The following ZNF251 variants were observed in gnomAD, a reference collection of about 807,000 sequenced individuals.
ZNF251 encodes the protein zinc finger protein 251.
Under a neutral mutation model 13.5 loss-of-function variants are expected in ZNF251, and 14 were observed. The ratio of observed to expected loss-of-function variants is 1.04; its 90% CI spans 0.69 to 1.63. The LOEUF (loss-of-function observed/expected upper bound fraction) is 1.63. Among genes scored for constraint, ZNF251 ranks in the 40% most tolerant of loss-of-function variants. The probability of loss-of-function intolerance (pLI) is 0.00; values close to 1 mark genes in which losing one functional copy is unlikely to be tolerated. For synonymous variants in ZNF251, 287 were observed against 295.2 expected (o/e 0.97, Z 0.28); for missense variants, 764 against 834.9 (o/e 0.92, Z 1.05).
rs898517632 is a variant in ZNF251 at position 144,754,073 on chromosome 8, G to C, written c.163+119C>G. The C allele has an allele frequency of 5.0e-6, 7 of 1,390,304 alleles. No individual in the cohort carries two copies. The African/African-American group carries it at 1.0e-4, about 20-fold the overall frequency. 86.1% of individuals were successfully genotyped at this position (1,390,304 alleles called of 1,614,324 possible). ...GGAAATGTTCCTTCTGTAGAGATCA[G>C]ACTGATACCCGGGGACAAGGGGCAG... is the stretch of plus-strand genomic sequence containing the variant. On this transcript the variant is annotated intron_variant, in intron 3 of 4. Transcript: ENST00000292562.
At chr8:144,743,833 T>G (rs1456854271) in intron 4 of ZNF251, among the ~76,000 whole-genome samples, 1 of 152,236 alleles carries the variant, frequency 6.6e-6, no homozygotes, top group African/African-American at 2.4e-5. Context: ...AATGCCCACC[T>G]GTCATCTGGG....
chr8:144,752,134 C>CA lies in ZNF251; in HGVS notation c.277+1548_277+1549insT, dbSNP rs1563772285. Reference sequence around the variant, plus strand: ...CTCAGCAACTGAAAGAATAACTAGACCAAAAAAAAAAAAAAAAAAAAAATC... The same window carrying CA: ...CTCAGCAACTGAAAGAATAACTAGACACAAAAAAAAAAAAAAAAAAAAAATC... On this transcript the variant is annotated intron_variant, in intron 4 of 4. Transcript: ENST00000292562. Among the ~76,000 whole-genome samples the CA allele has an allele frequency of 3.6e-3, 452 of 127,276 alleles. 6 individuals carry two copies. The highest frequency in any genetic ancestry group is 0.014 in the African/African-American group (436 of 30,278). The allele number at this position is 127,276 out of a possible 152,430, so 83.5% of individuals were successfully genotyped here.
At chr8:144,732,617 C>T (rs977481167) in intron 4 of ZNF251, among the ~76,000 whole-genome samples, 3 of 150,936 alleles carry the variant, frequency 2.0e-5, no homozygotes, top group Non-Finnish European at 4.4e-5. Flanking sequence ...TGGAGACCAT[C>T]CTGGCCAACA....
chr8:144,721,894 G>A lies in ZNF251; in HGVS notation c.1766C>T (p.Ala589Val), dbSNP rs1361299253. ...SRPTEDQIMH[A>V]GEKPYKCQEC... Reference sequence around the variant, plus strand: ...TTGACATTTATAGGGCTTTTCCCCAGCATGCATTATCTGATCTTCAGTGGG... The same window carrying A: ...TTGACATTTATAGGGCTTTTCCCCAACATGCATTATCTGATCTTCAGTGGG... The change falls in exon 5 of 5, where the codon GCT (alanine) becomes GTT (valine). Residue 589 changes from alanine (A) to valine (V), a missense_variant. By Grantham distance (64) the Ala-to-Val change is moderately conservative (BLOSUM62 0). Coordinates refer to ENST00000292562, the MANE Select transcript of ZNF251 (RefSeq NM_138367.2). 2.0e-6 allele frequency: 3 copies of A among 1,503,756 alleles called. No individual in the cohort carries two copies. Among genetic ancestry groups the A allele is most frequent in the Non-Finnish European group, 1.8e-6 (2 of 1,125,676 alleles). 93.2% of individuals were successfully genotyped at this position (1,503,756 alleles called of 1,614,324 possible).
chr8:144,728,038 C>T (rs1823569783), intron 4 of ZNF251, among the ~76,000 whole-genome samples: 1 of 152,210 alleles, frequency 6.6e-6, no homozygotes, highest in Admixed American at 6.5e-5. Flanking sequence ...TTTGGCCTGT[C>T]TCAGTTTTCA....
At chr8:144,748,473 A>G (rs1190431439) in intron 4 of ZNF251, among the ~76,000 whole-genome samples, 1 of 152,006 alleles carries the variant, frequency 6.6e-6, no homozygotes, top group East Asian at 1.9e-4. Context: ...TTGGATTACT[A>G]TCTTTCTCCA....
chr8:144,737,879 C>T (rs987475031), intron 4 of ZNF251, among the ~76,000 whole-genome samples: 36 of 151,628 alleles, frequency 2.4e-4, no homozygotes, highest in African/African-American at 8.5e-4. Context: ...TGCTATCACC[C>T]CACATAAAAT....
At chr8:144,744,700 G>C (rs1462252938) in intron 4 of ZNF251, among the ~76,000 whole-genome samples, 1 of 152,176 alleles carries the variant, frequency 6.6e-6, no homozygotes, top group Non-Finnish European at 1.5e-5. Flanking sequence ...CCTAGAAAGA[G>C]ACCCCTCACC....
Position 144,723,246 on chromosome 8 carries a change from G to A in ZNF251, c.414C>T (p.Gly138=), listed in dbSNP as rs1189091661. 6.2e-7 allele frequency: 1 copy of A among 1,613,354 alleles called. No individual in the cohort carries two copies. Among genetic ancestry groups the A allele is most frequent in the Non-Finnish European group, 8.5e-7 (1 of 1,179,632 alleles). The part of the protein sequence containing the change: ...AQAAEFREAW[G]REGKLKERVG... Reference sequence around the variant, plus strand: ...CGCGCTCTTTGAGTTTGCCCTCACGGCCCCATGCTTCCCGAAACTCAGCGG... The same window carrying A: ...CGCGCTCTTTGAGTTTGCCCTCACGACCCCATGCTTCCCGAAACTCAGCGG... The change falls in exon 5 of 5, where the codon GGC becomes GGT. Residue 138 remains glycine, a synonymous_variant. Transcript: ENST00000292562.
At chr8:144,747,965 A>G (rs1354180587) in intron 4 of ZNF251, among the ~76,000 whole-genome samples, 2 of 152,134 alleles carry the variant, frequency 1.3e-5, no homozygotes. Flanking sequence ...CCTGGAGCGC[A>G]GTGACGTGAT....
intron 4 of ZNF251, among the ~76,000 whole-genome samples, chr8:144,740,265 A>G (rs1824097331): frequency 6.6e-6 from 1 of 152,126 alleles, no homozygotes; most frequent in Non-Finnish European, 1.5e-5. Flanking sequence ...AGCCTGGGCA[A>G]CAAGAGTGAA....
rs550186709 is a variant in ZNF251 at position 144,740,635 on chromosome 8, C to CA, written c.277+13047dup. 3.3e-3 allele frequency among the ~76,000 whole-genome samples: 478 copies of CA among 143,482 alleles called. 3 individuals are homozygous for CA. Among genetic ancestry groups the CA allele is most frequent in the African/African-American group, 9.3e-3 (357 of 38,570 alleles). 94.1% of individuals were successfully genotyped at this position (143,482 alleles called of 152,430 possible). A position where few individuals can be genotyped will look rare whatever the true frequency, so the allele number is the denominator to read the frequency against. Reference sequence around the variant, plus strand: ...TGGGCAACAAAACAAGACTAAATCTCAAAAAAAAATAAAAATAGGCCACCA... The same window carrying CA: ...TGGGCAACAAAACAAGACTAAATCTCAAAAAAAAAATAAAAATAGGCCACCA... On this transcript the variant is annotated intron_variant, in intron 4 of 4. Transcript: ENST00000292562.
intron 4 of ZNF251, among the ~76,000 whole-genome samples, chr8:144,743,636 C>T (rs915958978): frequency 1.3e-5 from 2 of 152,138 alleles, no homozygotes; most frequent in African/African-American, 4.8e-5. Context: ...GTAAGACTGT[C>T]GAACTGTCTT....
rs1824916309 is a variant in ZNF251, at chr8:144,755,388, G to A, written c.-76+17C>T. 7.8e-7 allele frequency: 1 copy of A among 1,288,058 alleles called. No individual in the cohort carries two copies. The highest frequency in any genetic ancestry group is 1.5e-5 in the African/African-American group (1 of 65,746). The allele number at this position is 1,288,058 out of a possible 1,614,324, so 79.8% of individuals were successfully genotyped here. Reference sequence around the variant, plus strand: ...CCTGCCCGCTTGGCGCTCCTTCCTGGTCCGACACTGCCCCACCTGTTTGCT... The same window carrying A: ...CCTGCCCGCTTGGCGCTCCTTCCTGATCCGACACTGCCCCACCTGTTTGCT... On this transcript the variant is annotated intron_variant, in intron 1 of 4. Coordinates refer to ENST00000292562, the MANE Select transcript of ZNF251 (RefSeq NM_138367.2).
chr8:144,740,233 C>T lies in ZNF251; in HGVS notation c.277+13450G>A, dbSNP rs542490017. On this transcript the variant is annotated intron_variant, in intron 4 of 4. Coordinates refer to ENST00000292562, the MANE Select transcript of ZNF251 (RefSeq NM_138367.2). ...CCGGGAGGTGGAGGTTGCTGTGAGC[C>T]GAGATCGCGCCATTGCACTCTAGCC... is the stretch of plus-strand genomic sequence containing the variant. Among the ~76,000 whole-genome samples the T allele has an allele frequency of 2.4e-3, 361 of 152,040 alleles. 3 individuals are homozygous for T. Among genetic ancestry groups the T allele is most frequent in the African/African-American group, 8.2e-3 (338 of 41,452 alleles).
At chr8:144,746,770 T>C (rs1191860058) in intron 4 of ZNF251, among the ~76,000 whole-genome samples, 1 of 152,174 alleles carries the variant, frequency 6.6e-6, no homozygotes, top group East Asian at 1.9e-4. Context: ...GTTCATCTTT[T>C]TTTTTTTATT....
At chr8:144,743,165 G>C (rs1394500860) in intron 4 of ZNF251, among the ~76,000 whole-genome samples, 1 of 152,228 alleles carries the variant, frequency 6.6e-6, no homozygotes. Context: ...CCGGGTTCAA[G>C]TGATTCTCCT....
intron 4 of ZNF251, among the ~76,000 whole-genome samples, chr8:144,748,068 T>G (rs1824512238): frequency 6.6e-6 from 1 of 151,334 alleles, no homozygotes. Context: ...ACTACCACAC[T>G]TGACAACCTC....
intron 4 of ZNF251, among the ~76,000 whole-genome samples, chr8:144,740,929 G>A (rs1457410983): frequency 8.6e-5 from 13 of 150,718 alleles, no homozygotes; most frequent in Middle Eastern, 3.4e-3. Context: ...GCGAAACTCC[G>A]TCTCAAAAAA....
Sources: allele counts gnomAD v4.1 joint callset (sites outside exome capture counted in the v4.1 genomes callset), GRCh38; gene constraint gnomAD v4.1.1; transcripts MANE v1.5; gene names NCBI Gene and HGNC (gene_info 2026-07-23, HGNC 2026-07-21).